The following ACBD6 variants were observed in gnomAD, a reference collection of about 807,000 sequenced individuals.
The protein encoded by ACBD6 is acyl-CoA binding domain containing 6, also known as acyl-CoA-binding domain-containing protein 6.
ACBD6 carries 28 observed loss-of-function variants against 37.2 expected under a neutral mutation model. That is an observed-to-expected ratio of 0.75 (90% confidence interval 0.56 to 1.03). The LOEUF is 1.03. Ranked by LOEUF, ACBD6 falls within the 50% of genes least tolerant of loss-of-function variation. ACBD6 has a pLI of 0.00. For synonymous variants in ACBD6, 113 were observed against 126.8 expected (o/e 0.89, Z 0.73); for missense variants, 340 against 337.4 (o/e 1.01, Z -0.06).
chr1:180,462,987 A>G (rs1204118859), intron 3 of ACBD6, among the ~76,000 whole-genome samples: 1 of 152,238 alleles, frequency 6.6e-6, no homozygotes, highest in Non-Finnish European at 1.5e-5. Context: ...TTTTGGGTAA[A>G]TAATGAAATT....
chr1:180,364,933 C>T (rs1473115571), intron 6 of ACBD6, among the ~76,000 whole-genome samples: 1 of 152,028 alleles, frequency 6.6e-6, no homozygotes, highest in Non-Finnish European at 1.5e-5. Context: ...CAGGGTTTCG[C>T]CGTGTTAGCT....
chr1:180,298,994 A>G (rs1417775963), intron 7 of ACBD6, among the ~76,000 whole-genome samples: 1 of 152,242 alleles, frequency 6.6e-6, no homozygotes, highest in African/African-American at 2.4e-5. Context: ...GTTAGCACAG[A>G]GCCTACTTGC....
chr1:180,292,201 T>G (rs914626017), intron 7 of ACBD6, among the ~76,000 whole-genome samples: 3 of 152,190 alleles, frequency 2.0e-5, no homozygotes, highest in African/African-American at 4.8e-5. Flanking sequence ...TTATAAGTTT[T>G]TACAAAGATC....
At chr1:180,482,469 G>T (rs563859563) in intron 3 of ACBD6, among the ~76,000 whole-genome samples, 1 of 150,504 alleles carries the variant, frequency 6.6e-6, no homozygotes, top group South Asian at 2.1e-4. Flanking sequence ...TTAATAATAA[G>T]ATCCCGAGTA....
intron 6 of ACBD6, among the ~76,000 whole-genome samples, chr1:180,347,372 T>G (rs1652227530): frequency 6.7e-6 from 1 of 150,212 alleles, no homozygotes; most frequent in East Asian, 2.0e-4. Context: ...TTTTTTTTTT[T>G]TTTTTTTTTT....
At chr1:180,417,829 T>C (rs1648162081) in intron 4 of ACBD6, among the ~76,000 whole-genome samples, 1 of 152,194 alleles carries the variant, frequency 6.6e-6, no homozygotes, top group African/African-American at 2.4e-5. Flanking sequence ...CACACTATCT[T>C]CCAAAATTCA....
chr1:180,423,766 T>G (rs1281948263), intron 4 of ACBD6, among the ~76,000 whole-genome samples: 2 of 152,196 alleles, frequency 1.3e-5, no homozygotes, highest in Non-Finnish European at 2.9e-5. Context: ...TTTCTGATAC[T>G]TTAAATGCCA....
chr1:180,272,015 G>C, intron 13 of ACBD6: 1 of 1,610,090 alleles, frequency 6.2e-7, no homozygotes, highest in African/African-American at 1.3e-5. Flanking sequence ...AGGTGAGCAG[G>C]GCTGGAGGGG....
In ACBD6 at chr1:180,389,607, A is replaced by C. The variant is rs376732005; in HGVS notation, c.663+7909T>G. On this transcript the variant is annotated intron_variant, in intron 6 of 7. Transcript: ENST00000367595. ...CTTCCACAATGGTTGAACTAGTTTA[A>C]AGTCCCACCAACAGTGTAAAAGTGT... Among the ~76,000 whole-genome samples the C allele has an allele frequency of 8.0e-4, 122 of 152,252 alleles. 1 individual carries two copies. The East Asian group carries it at 0.014, about 17-fold the overall frequency.
At chr1:180,358,795 A>G (rs1652731896) in intron 6 of ACBD6, among the ~76,000 whole-genome samples, 1 of 152,216 alleles carries the variant, frequency 6.6e-6, no homozygotes, top group East Asian at 1.9e-4. Flanking sequence ...CAAAGCCTGT[A>G]AAGACACTGC....
At position 180,495,494 on chromosome 1, in the gene ACBD6, G is replaced by T. The variant is rs1401073195; in HGVS notation, c.254C>A (p.Pro85Gln). The T allele has an allele frequency of 1.2e-6, 2 of 1,607,022 alleles. No homozygotes were observed. The highest frequency in any genetic ancestry group is 1.7e-6 in the Non-Finnish European group (2 of 1,177,288). Residue 85 changes from proline to glutamine, a missense_variant, in exon 2 of 8, where the codon CCA (proline) becomes CAA (glutamine). Coordinates refer to ENST00000367595, the MANE Select transcript of ACBD6 (RefSeq NM_032360.4). ...CTTTCCTTCAAAATCAAAGAAGCTT[G>T]GTTTAGGAGTATTACAATTTCCAAC... is the stretch of plus-strand genomic sequence containing the variant. ...VKVGNCNTPK[P>Q]SFFDFEGKQK...
rs991385273 is a variant in ACBD6 at position 180,429,085 on chromosome 1, T to C, written c.467+1095A>G. 3.3e-5 allele frequency among the ~76,000 whole-genome samples: 5 copies of C among 152,192 alleles called. No individual in the cohort carries two copies. In the East Asian group the frequency reaches 9.6e-4, roughly 29 times the overall value. On this transcript the variant is annotated intron_variant, in intron 4 of 7. Transcript: ENST00000367595. ...TCCTCAGATAGTGAGAATGCAAAGA[T>C]GGGTAAAATATGATCTTCACTATCA...
chr1:180,451,185 A>G (rs1214052438), intron 3 of ACBD6, among the ~76,000 whole-genome samples: 1 of 152,230 alleles, frequency 6.6e-6, no homozygotes, highest in African/African-American at 2.4e-5. Context: ...GGAAATGCAA[A>G]TTGAAATCAC....
rs372918235 is a variant in ACBD6, at chr1:180,457,793, G to GC, written c.385-27532_385-27531insG. Among the ~76,000 whole-genome samples, 50 of 136,622 alleles carry GC rather than the reference G, an allele frequency of 3.7e-4. 1 individual carries two copies. Among genetic ancestry groups the GC allele is most frequent in the Non-Finnish European group, 4.2e-4 (26 of 62,562 alleles). The allele number at this position is 136,622 out of a possible 152,430, so 89.6% of individuals were successfully genotyped here. A position where few individuals can be genotyped will look rare whatever the true frequency, so the allele number is the denominator to read the frequency against. On this transcript the variant is annotated intron_variant, in intron 3 of 7. Coordinates refer to ENST00000367595, the MANE Select transcript of ACBD6 (RefSeq NM_032360.4). Reference sequence around the variant, plus strand: ...GTCTACTGTACCACAAAAATTAACTGTTTTTTTTTTTTTTTTGAGACGGAG... The same window carrying GC: ...GTCTACTGTACCACAAAAATTAACTGCTTTTTTTTTTTTTTTTGAGACGGAG...
chr1:180,501,597 C>T (rs1651977414), intron 1 of ACBD6, among the ~76,000 whole-genome samples: 1 of 152,184 alleles, frequency 6.6e-6, no homozygotes, highest in Admixed American at 6.5e-5. Context: ...GGATTACAGC[C>T]GTGAGCAACC....
intron 4 of ACBD6, among the ~76,000 whole-genome samples, chr1:180,423,553 A>T (rs1648459405): frequency 6.6e-6 from 1 of 152,192 alleles, no homozygotes; most frequent in African/African-American, 2.4e-5. Flanking sequence ...CTTCAAATAA[A>T]ACTACATATA....
At chr1:180,488,209 C>T (rs1021580354) in intron 3 of ACBD6, among the ~76,000 whole-genome samples, 5 of 151,886 alleles carry the variant, frequency 3.3e-5, no homozygotes, top group African/African-American at 1.2e-4. Context: ...TACAGAAGTT[C>T]CTTATATTAT....
In ACBD6 at chr1:180,388,501, A is replaced by C. The variant is rs146107578; in HGVS notation, c.663+9015T>G. Among the ~76,000 whole-genome samples, 630 of 152,324 alleles carry C rather than the reference A, an allele frequency of 4.1e-3. 3 individuals are homozygous for C. Among genetic ancestry groups the C allele is most frequent in the African/African-American group, 0.014 (583 of 41,578 alleles). ...ACTATCTCTATTTGCCAATGATATAATCTTGTATATAAAAATTATAAGGAA... is the reference window on the plus strand; with the variant it reads ...ACTATCTCTATTTGCCAATGATATACTCTTGTATATAAAAATTATAAGGAA... On this transcript the variant is annotated intron_variant, in intron 6 of 7. Coordinates refer to ENST00000367595, the MANE Select transcript of ACBD6 (RefSeq NM_032360.4).
chr1:180,318,009 T>C (rs1344875694), intron 6 of ACBD6, among the ~76,000 whole-genome samples: 2 of 152,030 alleles, frequency 1.3e-5, no homozygotes, highest in African/African-American at 4.8e-5. Context: ...AAACCTTGTC[T>C]CTACTAAAAT....
Sources: gnomAD v4.1 joint callset for allele counts (sites outside exome capture counted in the v4.1 genomes callset) on GRCh38, gnomAD v4.1.1 for gene constraint, MANE v1.5 for transcripts, NCBI Gene and HGNC (gene_info 2026-07-23, HGNC 2026-07-21) for gene names.